The following C5 variants were observed in gnomAD, a reference collection of about 807,000 sequenced individuals.
C5 encodes the protein complement C5.
Under a neutral mutation model 218.8 loss-of-function variants are expected in C5, and 140 were observed. The observed-to-expected ratio is 0.64, with a 90% CI of 0.56 to 0.74. C5 has a LOEUF of 0.74. Among genes scored for constraint, C5 ranks in the 30% least tolerant of loss-of-function variants. The probability of loss-of-function intolerance (pLI) is 0.00; values close to 1 mark genes in which losing one functional copy is unlikely to be tolerated. For synonymous variants in C5, 614 were observed against 682.3 expected (o/e 0.90, Z 1.56); for missense variants, 1,700 against 1,969.6 (o/e 0.86, Z 2.59).
At chr9:120,957,190 T>C in intron 39 of C5, 95 bp downstream of exon 39, 1 of 861,186 alleles carries the variant, frequency 1.2e-6, no homozygotes, top group South Asian at 1.3e-5. Context: ...CTGTCTTATT[T>C]GAGTTGTATC....
At chr9:121,054,005 A>C (rs1405245470), upstream of C5, among the ~76,000 whole-genome samples, 2 of 152,066 alleles carry the variant, frequency 1.3e-5, no homozygotes, top group Non-Finnish European at 1.5e-5. Flanking sequence ...ATAAAATGCT[A>C]AGCACCCCCA....
the C5 span, among the ~76,000 whole-genome samples, chr9:121,061,474 G>A: frequency 4.6e-5 from 7 of 152,112 alleles, no homozygotes; most frequent in African/African-American, 1.7e-4. Context: ...CTTGAAGCCA[G>A]GAGGTCGAGG....
At chr9:120,963,119 A>T (rs892735519) in intron 34 of C5, 152 bp from the exon 35 acceptor site, 3 of 703,230 alleles carry the variant, frequency 4.3e-6, no homozygotes, top group Admixed American at 2.1e-5. Context: ...GTCTGAACAC[A>T]TTAGCATATA....
intron 3 of C5, among the ~76,000 whole-genome samples, chr9:121,038,595 T>G (rs1037036178): frequency 6.6e-6 from 1 of 152,192 alleles, no homozygotes; most frequent in African/African-American, 2.4e-5. Context: ...TCCCTACTTT[T>G]TAAACAAAAG....
chr9:121,049,418 G>A (rs1275134373), intron 1 of C5, among the ~76,000 whole-genome samples: 2 of 152,124 alleles, frequency 1.3e-5, no homozygotes, highest in African/African-American at 2.4e-5. Context: ...TCAGAAATAC[G>A]AGGGTGCTAA....
intron 3 of C5, 114 bp downstream of exon 3, chr9:121,042,890 A>G (rs2047593019): frequency 1.2e-6 from 1 of 802,700 alleles, no homozygotes; most frequent in South Asian, 1.6e-5. Context: ...GAGTCTTTTG[A>G]GCAAATTAAA....
Position 121,013,432 on chromosome 9 carries a change from C to T in C5, c.2257+441G>A, listed in dbSNP as rs533720004. On this transcript the variant is annotated intron_variant, in intron 17 of 40. Coordinates refer to ENST00000223642, the MANE Select transcript of C5 (RefSeq NM_001735.3). ...TGTGGTTGAAACTGAAATAAGACAT[C>T]AGCTTTTATATAAGTACACTTAACC... 2.6e-5 allele frequency among the ~76,000 whole-genome samples: 4 copies of T among 151,944 alleles called. No homozygotes were observed. The South Asian group carries it at 8.3e-4, about 32-fold the overall frequency.
chr9:121,057,256 G>A, the C5 span, among the ~76,000 whole-genome samples: 1 of 152,180 alleles, frequency 6.6e-6, no homozygotes, highest in East Asian at 1.9e-4. Context: ...CTATTAATGA[G>A]CAAGAAGAAA....
Position 120,969,071 on chromosome 9 carries a change from C to G in C5, c.4210G>C (p.Ala1404Pro). Residue 1404 changes from alanine to proline, a missense_variant, in exon 33 of 41, where the codon GCA becomes CCA. By Grantham distance (27) the Ala-to-Pro change is conservative (BLOSUM62 -1). Transcript: ENST00000223642. ...TGGAAATAGGCTCACCTGGCACATGCTACTATGCGTTTGTAATCAGAGTTT... is the reference window on the plus strand; with the variant it reads ...TGGAAATAGGCTCACCTGGCACATGGTACTATGCGTTTGTAATCAGAGTTT... Reference protein sequence around the residue: ...YGNSDYKRIVACASYKPSREE... With the variant: ...YGNSDYKRIVPCASYKPSREE... 6.2e-7 allele frequency: 1 copy of G among 1,613,812 alleles called. No individual in the cohort carries two copies.
At chr9:120,963,613 A>G (rs1588166384) in intron 34 of C5, 23 bp downstream of exon 34, 1 of 1,511,758 alleles carries the variant, frequency 6.6e-7, no homozygotes, top group African/African-American at 1.4e-5. Context: ...CATTCACAAC[A>G]CGATTTAAAA....
In C5 at chr9:121,017,670, A is replaced by G; in HGVS notation, c.1689T>C (p.Ile563=). 6.2e-7 allele frequency: 1 copy of G among 1,613,756 alleles called. No individual in the cohort carries two copies. The highest frequency in any genetic ancestry group is 8.5e-7 in the Non-Finnish European group (1 of 1,179,872). ...GGAGCTGGTTGCCACATTTTTCTTCAATATTTAACCAGACTGAATCAGACA... is the reference window on the plus strand; with the variant it reads ...GGAGCTGGTTGCCACATTTTTCTTCGATATTTAACCAGACTGAATCAGACA... ...ELVSDSVWLN[I]EEKCGNQLQV... is the part of the protein sequence containing the mutation. The change falls in exon 13 of 41, where the codon ATT becomes ATC. Residue 563 remains isoleucine (I), a synonymous_variant. Transcript: ENST00000223642.
intron 16 of C5, 38 bp from the exon 17 acceptor site, chr9:121,014,108 G>C: frequency 6.4e-7 from 1 of 1,557,146 alleles, no homozygotes; most frequent in South Asian, 1.1e-5. Context: ...TGATGACGCA[G>C]AGTGATAACA....
At chr9:121,063,487 C>T in the C5 span, among the ~76,000 whole-genome samples, 13 of 152,074 alleles carry the variant, frequency 8.5e-5, no homozygotes, top group South Asian at 4.1e-4. Context: ...AAATATCTCA[C>T]GTAAAGTCCA....
At chr9:120,956,349 G>C (rs1304482162) in intron 39 of C5, among the ~76,000 whole-genome samples, 1 of 151,814 alleles carries the variant, frequency 6.6e-6, no homozygotes, top group Non-Finnish European at 1.5e-5. Flanking sequence ...AAATGCCTAG[G>C]AATACAGCTA....
At chr9:121,035,462 A>G (rs965337159) in intron 4 of C5, among the ~76,000 whole-genome samples, 1 of 152,212 alleles carries the variant, frequency 6.6e-6, no homozygotes, top group Non-Finnish European at 1.5e-5. Flanking sequence ...TTGGGTTAGC[A>G]AATAATTGAA....
At chr9:121,060,663 TC>T in the C5 span, among the ~76,000 whole-genome samples, 2 of 147,880 alleles carry the variant, frequency 1.4e-5, no homozygotes, top group African/African-American at 4.9e-5. Context: ...AGTCTATCCC[TC>T]CCCACCCCAC....
rs765073719 is a variant in C5, at chr9:121,032,137, C to A, written c.643G>T (p.Ala215Ser). ...CCATATTCTTTAACTTCAAAATATGCGGTTCCAGTTGTTGAAAAGTCCTCT... is the reference window on the plus strand; with the variant it reads ...CCATATTCTTTAACTTCAAAATATGAGGTTCCAGTTGTTGAAAAGTCCTCT... Reference protein sequence around the residue: ...YKEDFSTTGTAYFEVKEYVLP... With the variant: ...YKEDFSTTGTSYFEVKEYVLP... Residue 215 changes from alanine (A) to serine (S), a missense_variant, in exon 6 of 41, where the codon GCA (alanine) becomes TCA (serine). Physicochemically the swap from Ala to Ser is moderately conservative, Grantham distance 99. Transcript: ENST00000223642. 1.9e-6 allele frequency: 3 copies of A among 1,602,038 alleles called. No individual in the cohort carries two copies. The highest frequency in any genetic ancestry group is 2.2e-5 in the South Asian group (2 of 90,832).
intron 16 of C5, 91 bp downstream of exon 16, chr9:121,015,108 C>T: frequency 1.2e-6 from 1 of 806,580 alleles, no homozygotes; most frequent in Non-Finnish European, 2.1e-6. Flanking sequence ...CATTTTATTT[C>T]AATTAGGGGA....
At chr9:120,980,001 CAT>C in intron 28 of C5, 80 bp downstream of exon 28, 1 of 1,250,690 alleles carries the variant, frequency 8.0e-7, no homozygotes, top group East Asian at 2.3e-5. Context: ...CTCAAGTTCA[CAT>C]GTCACCACCC....
Sources: allele counts gnomAD v4.1 joint callset (sites outside exome capture counted in the v4.1 genomes callset), GRCh38; gene constraint gnomAD v4.1.1; transcripts MANE v1.5; gene names NCBI Gene and HGNC (gene_info 2026-07-23, HGNC 2026-07-21).